Variants in FSTL4 observed in about 807,000 individuals in gnomAD.
FSTL4 encodes follistatin like 4, also known as follistatin-related protein 4.
In FSTL4, 28 loss-of-function variants were observed where a neutral mutation model predicts 78.2. That is an observed-to-expected ratio of 0.36 (90% CI 0.27 to 0.49). FSTL4 has a LOEUF of 0.49. FSTL4 is among the 20% of genes least tolerant of loss of function. The pLI is 0.98. For synonymous variants in FSTL4, 422 were observed against 440.5 expected, an observed-to-expected ratio of 0.96 and a Z score of 0.53; for missense variants, 922 against 1,084.9, an observed-to-expected ratio of 0.85 and a Z score of 2.11.
chr5:133,212,606 A>C (rs1480138283), intron 13 of FSTL4, among the ~76,000 whole-genome samples: 2 of 152,250 alleles, frequency 1.3e-5, no homozygotes, highest in Non-Finnish European at 2.9e-5. Context: ...AGAAAGAGAC[A>C]TGTGAGACCC....
the FSTL4 span, among the ~76,000 whole-genome samples, chr5:133,667,035 G>T: frequency 6.6e-6 from 1 of 152,024 alleles, no homozygotes; most frequent in African/African-American, 2.4e-5. Context: ...ATCTTCACTT[G>T]GTTGTCTAAT....
the FSTL4 span, among the ~76,000 whole-genome samples, chr5:133,776,441 T>C: frequency 6.6e-6 from 1 of 152,202 alleles, no homozygotes; most frequent in Non-Finnish European, 1.5e-5. Context: ...TTTGCCCATG[T>C]TGCTAGTCCC....
At chr5:133,674,287 T>G in the FSTL4 span, among the ~76,000 whole-genome samples, 1 of 152,270 alleles carries the variant, frequency 6.6e-6, no homozygotes, top group African/African-American at 2.4e-5. Flanking sequence ...TGACAACAAT[T>G]TCCCCCTCTG....
intron 3 of FSTL4, chr5:133,427,582 G>A (rs770348890): frequency 5.8e-6 from 3 of 518,202 alleles, no homozygotes; most frequent in Non-Finnish European, 8.0e-6. Flanking sequence ...AATGGCGGGG[G>A]GAAGGGCGGG....
the FSTL4 span, among the ~76,000 whole-genome samples, chr5:133,675,468 C>T: frequency 6.6e-6 from 1 of 152,206 alleles, no homozygotes; most frequent in Admixed American, 6.5e-5. Context: ...CTCTTGTTCC[C>T]GTGGCCGTCA....
the FSTL4 span, among the ~76,000 whole-genome samples, chr5:133,730,129 T>G: frequency 2.0e-5 from 3 of 152,186 alleles, no homozygotes; most frequent in African/African-American, 7.2e-5. Flanking sequence ...GAAGCAGTCC[T>G]TTTTGGACTT....
chr5:133,715,514 A>G, the FSTL4 span, among the ~76,000 whole-genome samples: 74 of 152,232 alleles, frequency 4.9e-4, no homozygotes, highest in African/African-American at 1.8e-3. Flanking sequence ...AGAAAGGCAT[A>G]TCTTGATACC....
chr5:133,227,946 GC>G (rs1431399483), intron 8 of FSTL4, among the ~76,000 whole-genome samples: 2 of 152,176 alleles, frequency 1.3e-5, no homozygotes, highest in Non-Finnish European at 2.9e-5. Flanking sequence ...GAAACTTTAG[GC>G]CAGGTGCGGT....
chr5:133,716,071 T>C, the FSTL4 span, among the ~76,000 whole-genome samples: 1 of 152,230 alleles, frequency 6.6e-6, no homozygotes, highest in Admixed American at 6.5e-5. Flanking sequence ...AAGCAAGTAC[T>C]GGTTCAAATG....
chr5:133,743,039 GC>G, the FSTL4 span, among the ~76,000 whole-genome samples: 1 of 152,250 alleles, frequency 6.6e-6, no homozygotes, highest in East Asian at 1.9e-4. Flanking sequence ...AAAAACAAGA[GC>G]CTATCAAAGC....
intron 4 of FSTL4, among the ~76,000 whole-genome samples, chr5:133,321,430 C>T (rs1465366730): frequency 1.3e-5 from 2 of 152,228 alleles, no homozygotes; most frequent in Non-Finnish European, 2.9e-5. Flanking sequence ...TAGCCTTAGC[C>T]TTGATCCACA....
the FSTL4 span, among the ~76,000 whole-genome samples, chr5:133,650,382 A>G: frequency 6.6e-6 from 1 of 152,202 alleles, no homozygotes; most frequent in Non-Finnish European, 1.5e-5. Context: ...ACCAAACCCA[A>G]GGTCATCTAG....
At chr5:133,513,663 T>C (rs1758786910) in intron 3 of FSTL4, among the ~76,000 whole-genome samples, 1 of 152,186 alleles carries the variant, frequency 6.6e-6, no homozygotes, top group South Asian at 2.1e-4. Flanking sequence ...TCCTGACTAT[T>C]GGTCAGCAGT....
Position 133,225,234 on chromosome 5 carries a change from C to T in FSTL4, c.1228G>A (p.Ala410Thr). 1.9e-6 allele frequency: 3 copies of T among 1,614,064 alleles called. No homozygotes were observed. Among genetic ancestry groups the T allele is most frequent in the South Asian group, 1.1e-5 (1 of 91,082 alleles). ...ISSVRYEDTGAYTCIAKNEVG... is the reference protein window; with the variant it reads ...ISSVRYEDTGTYTCIAKNEVG... ...TCATTTTTGGCAATGCAGGTGTATGCCCCTGTGTCTTCATACCGAACACTG... is the reference window on the plus strand; with the variant it reads ...TCATTTTTGGCAATGCAGGTGTATGTCCCTGTGTCTTCATACCGAACACTG... Residue 410 changes from alanine (A) to threonine (T), a missense_variant, in exon 10 of 16, where the codon GCA (alanine) becomes ACA (threonine). Coordinates refer to ENST00000265342, the MANE Select transcript of FSTL4 (RefSeq NM_015082.2). This position sits in a 1 kb window ranked among gnomAD's most constrained non-coding sequence, Gnocchi z 4.6.
At chr5:133,346,707 T>A (rs1754704417) in intron 4 of FSTL4, among the ~76,000 whole-genome samples, 1 of 152,194 alleles carries the variant, frequency 6.6e-6, no homozygotes, top group African/African-American at 2.4e-5. Context: ...TGTTATTCCT[T>A]TGGTAATTTC....
At chr5:133,208,680 C>CT (rs771799738) in intron 14 of FSTL4, among the ~76,000 whole-genome samples, 1 of 151,964 alleles carries the variant, frequency 6.6e-6, no homozygotes, top group Non-Finnish European at 1.5e-5. Context: ...ATGCATTTTT[C>CT]TTTTTTTGTT....
chr5:133,712,362 C>T, the FSTL4 span, among the ~76,000 whole-genome samples: 1 of 152,184 alleles, frequency 6.6e-6, no homozygotes. Flanking sequence ...CGTGGGCCCT[C>T]CTGTCTCCAT....
the FSTL4 span, among the ~76,000 whole-genome samples, chr5:133,788,123 C>T: frequency 1.3e-5 from 2 of 152,148 alleles, no homozygotes; most frequent in African/African-American, 2.4e-5. Context: ...ATATCCCCAG[C>T]GCCCAGCCCA....
At chr5:133,722,774 G>A in the FSTL4 span, among the ~76,000 whole-genome samples, 6 of 152,164 alleles carry the variant, frequency 3.9e-5, no homozygotes, top group Non-Finnish European at 7.3e-5. Flanking sequence ...ATCTGCAGAT[G>A]GGCCTGGGGC....
Sources: gnomAD v4.1 joint callset for allele counts (sites outside exome capture counted in the v4.1 genomes callset) on GRCh38, gnomAD v4.1.1 for gene constraint, Gnocchi (gnomAD v3.1) non-coding constraint, MANE v1.5 for transcripts, NCBI Gene and HGNC (gene_info 2026-07-23, HGNC 2026-07-21) for gene names.